Variants in EPHA5 observed in about 807,000 individuals in gnomAD.
EPHA5 encodes EPH receptor A5, also known as ephrin type-A receptor 5.
In EPHA5, 60 loss-of-function variants were observed where a neutral mutation model predicts 105.0. The ratio of observed to expected loss-of-function variants is 0.57; its 90% CI spans 0.46 to 0.71. The LOEUF (loss-of-function observed/expected upper bound fraction) is 0.71, where lower values mean the gene tolerates loss of function less well. EPHA5 is among the 30% of genes least tolerant of loss of function. The probability of loss-of-function intolerance (pLI) is 0.00; values close to 1 mark genes in which losing one functional copy is unlikely to be tolerated. For missense variants in EPHA5, 1,218 were observed against 1,274.7 expected, an observed-to-expected ratio of 0.96 and a Z score of 0.68; for synonymous variants, 513 against 449.1, an observed-to-expected ratio of 1.14 and a Z score of -1.80.
At chr4:65,446,693 G>A (rs1410058567) in intron 5 of EPHA5, among the ~76,000 whole-genome samples, 1 of 151,886 alleles carries the variant, frequency 6.6e-6, no homozygotes, top group East Asian at 1.9e-4. Context: ...TGCACATGGG[G>A]TGCATGTATG....
chr4:65,447,925 A>C lies in EPHA5; in HGVS notation c.1403-27360T>G, dbSNP rs1263229424. ...TCTAACAAAAGTGTCAAAAGAATAA[A>C]GTAGAAAGAACAAGAACATAAGATT... is the stretch of plus-strand genomic sequence containing the variant. On this transcript the variant is annotated intron_variant, in intron 5 of 16. Transcript: ENST00000613740. 3.9e-5 allele frequency among the ~76,000 whole-genome samples: 6 copies of C among 152,186 alleles called. No homozygotes were observed. The East Asian group carries it at 1.2e-3, about 29-fold the overall frequency.
intron 3 of EPHA5, among the ~76,000 whole-genome samples, chr4:65,534,581 G>A (rs1395824511): frequency 6.6e-6 from 1 of 152,178 alleles, no homozygotes; most frequent in Non-Finnish European, 1.5e-5. Context: ...TAACTGGGCA[G>A]ACAAAGATGT....
intron 3 of EPHA5, among the ~76,000 whole-genome samples, chr4:65,513,473 G>A (rs1733819347): frequency 6.6e-6 from 1 of 152,068 alleles, no homozygotes; most frequent in African/African-American, 2.4e-5. Context: ...TTCAACCTCC[G>A]TCGCCCAGGT....
intron 5 of EPHA5, among the ~76,000 whole-genome samples, chr4:65,462,637 A>G (rs1728237440): frequency 6.6e-6 from 1 of 152,198 alleles, no homozygotes; most frequent in Admixed American, 6.5e-5. Context: ...CTCATCTTCC[A>G]GGAAGCCAGA....
chr4:65,371,543 G>A (rs1718469897), intron 8 of EPHA5, among the ~76,000 whole-genome samples: 1 of 152,018 alleles, frequency 6.6e-6, no homozygotes, highest in African/African-American at 2.4e-5. Flanking sequence ...AAATATTTAT[G>A]TAGAGATGGA....
In EPHA5 at chr4:65,643,434, A is replaced by G; in HGVS notation, c.182-7T>C. On this transcript the variant is annotated splice_region_variant and splice_polypyrimidine_tract_variant and intron_variant, in intron 1 of 16. Coordinates refer to ENST00000613740, the MANE Select transcript of EPHA5 (RefSeq NM_001281766.3). Reference sequence around the variant, plus strand: ...CGTGAATCCAATAAATTCACTGAAAAGAAAAGAACAAAAAACTCAGTGAAA... The same window carrying G: ...CGTGAATCCAATAAATTCACTGAAAGGAAAAGAACAAAAAACTCAGTGAAA... 1 of 1,611,754 alleles carries G rather than the reference A, an allele frequency of 6.2e-7. No individual in the cohort carries two copies. Among genetic ancestry groups the G allele is most frequent in the African/African-American group, 1.3e-5 (1 of 74,970 alleles).
intron 15 of EPHA5, among the ~76,000 whole-genome samples, chr4:65,333,572 T>C (rs908037423): frequency 3.7e-5 from 4 of 107,826 alleles, no homozygotes; most frequent in Non-Finnish European, 4.1e-5. Context: ...TGTGTGTGTG[T>C]GTGTGTGCTG....
intron 2 of EPHA5, among the ~76,000 whole-genome samples, chr4:65,636,051 C>A (rs1747095453): frequency 6.6e-6 from 1 of 152,078 alleles, no homozygotes; most frequent in Non-Finnish European, 1.5e-5. Context: ...TAAATGCTTT[C>A]ATAATTTTAA....
intron 3 of EPHA5, among the ~76,000 whole-genome samples, chr4:65,583,402 G>A (rs781383573): frequency 5.9e-5 from 9 of 151,666 alleles, no homozygotes; most frequent in South Asian, 2.1e-4. Context: ...GAGGACATTC[G>A]TCTTTAATCT....
chr4:65,351,255 C>T lies in EPHA5; in HGVS notation c.2445+134G>A, dbSNP rs1415726773. On this transcript the variant is annotated intron_variant, in intron 13 of 16. Coordinates refer to ENST00000613740, the MANE Select transcript of EPHA5 (RefSeq NM_001281766.3). ...AATTTTTTGACTTTTGATTTTCTCT[C>T]TCCCTCTCCCCCTCATTCTCTCTCT... The T allele has an allele frequency of 1.2e-5, 9 of 735,814 alleles. No homozygotes were observed. The East Asian group carries it at 1.6e-4, about 13-fold the overall frequency. The allele number at this position is 735,814 out of a possible 1,614,324, so 45.6% of individuals were successfully genotyped here. A position where few individuals can be genotyped will look rare whatever the true frequency, so the allele number is the denominator to read the frequency against.
At chr4:65,573,372 C>G in intron 3 of EPHA5, 1 of 758,824 alleles carries the variant, frequency 1.3e-6, no homozygotes, top group Non-Finnish European at 2.0e-6. Flanking sequence ...GATTGCGCCA[C>G]TGCACTCCAG....
At chr4:65,403,448 T>C (rs1722050263) in intron 8 of EPHA5, among the ~76,000 whole-genome samples, 1 of 152,066 alleles carries the variant, frequency 6.6e-6, no homozygotes, top group African/African-American at 2.4e-5. Flanking sequence ...TTCATTAAGT[T>C]TTCTATAATG....
At chr4:65,617,064 A>G (rs187842358) in intron 2 of EPHA5, among the ~76,000 whole-genome samples, 3 of 152,214 alleles carry the variant, frequency 2.0e-5, no homozygotes, top group African/African-American at 7.2e-5. Context: ...TCTTTTGTTA[A>G]TAACACACAT....
intron 3 of EPHA5, among the ~76,000 whole-genome samples, chr4:65,578,378 A>T (rs575913916): frequency 6.6e-6 from 1 of 152,320 alleles, no homozygotes; most frequent in South Asian, 2.1e-4. Flanking sequence ...GGTCAGTAAC[A>T]GACACTGTGG....
rs575470949 is a variant in EPHA5, at chr4:65,591,378, A to G, written c.910+10263T>C. ...ATACAGATGACATGATTTAATTATA[A>G]TTACTGAGTTGACTGATGAAATAAA... On this transcript the variant is annotated intron_variant, in intron 3 of 16. Coordinates refer to ENST00000613740, the MANE Select transcript of EPHA5 (RefSeq NM_001281766.3). Among the ~76,000 whole-genome samples the G allele has an allele frequency of 7.2e-5, 11 of 152,126 alleles. No individual in the cohort carries two copies. In the South Asian group the frequency reaches 1.5e-3, roughly 20 times the overall value.
intron 16 of EPHA5, chr4:65,331,204 T>C (rs1420679955): frequency 9.7e-7 from 1 of 1,030,916 alleles, no homozygotes. Flanking sequence ...TTAATGTTAA[T>C]GTAATCTAGA....
At chr4:65,391,814 T>G (rs1189140593) in intron 8 of EPHA5, among the ~76,000 whole-genome samples, 1 of 152,150 alleles carries the variant, frequency 6.6e-6, no homozygotes, top group African/African-American at 2.4e-5. Context: ...TGGTTAGGCT[T>G]TTGACCTGCC....
At chr4:65,362,591 A>G (rs1353704411) in intron 11 of EPHA5, among the ~76,000 whole-genome samples, 1 of 151,720 alleles carries the variant, frequency 6.6e-6, no homozygotes, top group Non-Finnish European at 1.5e-5. Flanking sequence ...TTAAGAGATC[A>G]GAAATTTAAA....
At chr4:65,481,548 G>C (rs1730365215) in intron 5 of EPHA5, among the ~76,000 whole-genome samples, 1 of 152,138 alleles carries the variant, frequency 6.6e-6, no homozygotes, top group African/African-American at 2.4e-5. Flanking sequence ...CTTTATTTAA[G>C]GTGGTTAACT....
Sources: allele counts gnomAD v4.1 joint callset (sites outside exome capture counted in the v4.1 genomes callset), GRCh38; gene constraint gnomAD v4.1.1; transcripts MANE v1.5; gene names NCBI Gene and HGNC (gene_info 2026-07-23, HGNC 2026-07-21).